The following FHIT variants were observed in gnomAD, a reference collection of about 807,000 sequenced individuals.
The protein encoded by FHIT is bis(5'-adenosyl)-triphosphatase.
A neutral mutation model predicts 17.9 loss-of-function variants in FHIT; 19 were observed. That is an observed-to-expected ratio of 1.06 (90% CI 0.74 to 1.56). The LOEUF is 1.56. Among genes scored for constraint, FHIT ranks in the 40% most tolerant of loss-of-function variants. FHIT has a pLI of 0.00. For synonymous variants in FHIT, 81 were observed against 69.7 expected (o/e 1.16, Z -0.81); for missense variants, 248 against 189.2 (o/e 1.31, Z -1.82).
At chr3:60,073,747 A>G (rs1702884781) in intron 5 of FHIT, among the ~76,000 whole-genome samples, 1 of 151,916 alleles carries the variant, frequency 6.6e-6, no homozygotes, top group East Asian at 1.9e-4. Flanking sequence ...GTGGCCCTTG[A>G]CTCACTGGAA....
At chr3:60,909,524 C>T (rs1553765356) in intron 3 of FHIT, among the ~76,000 whole-genome samples, 1 of 152,006 alleles carries the variant, frequency 6.6e-6, no homozygotes, top group East Asian at 1.9e-4. Context: ...TATATAGATG[C>T]TGTCTATACT....
At chr3:61,186,688 T>C (rs1189798694) in intron 2 of FHIT, among the ~76,000 whole-genome samples, 1 of 152,216 alleles carries the variant, frequency 6.6e-6, no homozygotes, top group African/African-American at 2.4e-5. Flanking sequence ...GCTCACCATC[T>C]AACCTTTTGT....
intron 4 of FHIT, among the ~76,000 whole-genome samples, chr3:60,594,914 T>C (rs576061125): frequency 6.6e-6 from 1 of 152,064 alleles, no homozygotes; most frequent in African/African-American, 2.4e-5. Context: ...TTCTCCCCTA[T>C]TTGAGGCCAG....
At chr3:59,812,215 A>G (rs1700432231) in intron 8 of FHIT, among the ~76,000 whole-genome samples, 1 of 152,186 alleles carries the variant, frequency 6.6e-6, no homozygotes, top group Admixed American at 6.5e-5. Context: ...CCCACAGGAT[A>G]CTAGTGCCAA....
chr3:60,075,871 T>C (rs1702984541), intron 5 of FHIT, among the ~76,000 whole-genome samples: 1 of 152,158 alleles, frequency 6.6e-6, no homozygotes, highest in African/African-American at 2.4e-5. Context: ...TGAATCCTTA[T>C]AATGATGTCC....
chr3:60,939,497 T>C (rs1708322806), intron 3 of FHIT, among the ~76,000 whole-genome samples: 1 of 152,142 alleles, frequency 6.6e-6, no homozygotes, highest in African/African-American at 2.4e-5. Flanking sequence ...CATTCAACAA[T>C]AGGACACAGA....
chr3:60,744,549 A>G (rs920460648), intron 4 of FHIT, among the ~76,000 whole-genome samples: 3 of 152,208 alleles, frequency 2.0e-5, no homozygotes, highest in Admixed American at 1.3e-4. Flanking sequence ...GAGCCCTGTA[A>G]CAGTAGAACA....
intron 4 of FHIT, among the ~76,000 whole-genome samples, chr3:60,552,333 C>T (rs1047728670): frequency 2.0e-5 from 3 of 152,136 alleles, no homozygotes; most frequent in Non-Finnish European, 4.4e-5. Context: ...AATTATTGAA[C>T]GTACACCTAA....
At chr3:61,245,180 A>C (rs2106941163) in intron 1 of FHIT, among the ~76,000 whole-genome samples, 1 of 152,310 alleles carries the variant, frequency 6.6e-6, no homozygotes, top group East Asian at 1.9e-4. Context: ...CAATGATAAG[A>C]ATAAAATCAT....
rs534534123 is a variant in FHIT, at chr3:61,144,785, C to T, written c.-164+55832G>A. Among the ~76,000 whole-genome samples the T allele has an allele frequency of 2.6e-5, 4 of 152,268 alleles. No individual in the cohort carries two copies. The East Asian group carries it at 5.8e-4, about 22-fold the overall frequency. ...GTGGTTTTGGTTTGATCTAATTTGA[C>T]TTCCCTAGTAATGAGTGATACTAAG... On this transcript the variant is annotated intron_variant, in intron 2 of 9. Transcript: ENST00000492590.
intron 5 of FHIT, among the ~76,000 whole-genome samples, chr3:60,192,401 T>C (rs781331526): frequency 1.1e-4 from 17 of 152,136 alleles, no homozygotes; most frequent in South Asian, 1.0e-3. Context: ...GCTGGAGACA[T>C]GGGGTATGGC....
At chr3:59,871,461 C>T (rs557854170) in intron 8 of FHIT, among the ~76,000 whole-genome samples, 10 of 152,230 alleles carry the variant, frequency 6.6e-5, no homozygotes, top group South Asian at 2.1e-4. Flanking sequence ...CCCCCACACA[C>T]GCACACATAC....
At chr3:59,979,818 C>G (rs1003603973) in intron 7 of FHIT, among the ~76,000 whole-genome samples, 1 of 152,034 alleles carries the variant, frequency 6.6e-6, no homozygotes, top group Non-Finnish European at 1.5e-5. Flanking sequence ...TGAAACTGAG[C>G]GTCACCATCC....
intron 5 of FHIT, among the ~76,000 whole-genome samples, chr3:60,367,013 C>G (rs1255509473): frequency 6.6e-6 from 1 of 152,122 alleles, no homozygotes; most frequent in Non-Finnish European, 1.5e-5. Context: ...TATATTTGTT[C>G]TCTGAGGAGA....
intron 5 of FHIT, among the ~76,000 whole-genome samples, chr3:60,151,528 G>T (rs573764629): frequency 1.3e-5 from 2 of 152,050 alleles, no homozygotes; most frequent in South Asian, 4.2e-4. Flanking sequence ...CACCTCTAAC[G>T]TCCTCCCATT....
intron 3 of FHIT, among the ~76,000 whole-genome samples, chr3:60,881,670 C>G (rs978159717): frequency 2.0e-5 from 3 of 151,876 alleles, no homozygotes; most frequent in Non-Finnish European, 4.4e-5. Context: ...CCTGTATAAC[C>G]AAAGACTCAA....
intron 4 of FHIT, among the ~76,000 whole-genome samples, chr3:60,651,421 T>C (rs1559614468): frequency 6.6e-6 from 1 of 152,196 alleles, no homozygotes; most frequent in Non-Finnish European, 1.5e-5. Context: ...CTTGAATCTT[T>C]ATTATTGAAA....
At chr3:60,137,226 A>G (rs1158342741) in intron 5 of FHIT, among the ~76,000 whole-genome samples, 3 of 152,260 alleles carry the variant, frequency 2.0e-5, no homozygotes, top group South Asian at 4.1e-4. Flanking sequence ...AGGAATCCCT[A>G]TTGATGCCAG....
intron 5 of FHIT, among the ~76,000 whole-genome samples, chr3:60,337,553 G>A (rs540454501): frequency 1.3e-5 from 2 of 152,052 alleles, no homozygotes; most frequent in Admixed American, 6.6e-5. Flanking sequence ...ATACAAATAA[G>A]CATAACTTAA....
Sources: allele counts gnomAD v4.1 joint callset (sites outside exome capture counted in the v4.1 genomes callset), GRCh38; gene constraint gnomAD v4.1.1; transcripts MANE v1.5; gene names NCBI Gene and HGNC (gene_info 2026-07-23, HGNC 2026-07-21).